Variants in CACNB4 observed in about 807,000 individuals in gnomAD.
CACNB4 encodes voltage-dependent L-type calcium channel subunit beta-4.
Under a neutral mutation model 71.2 loss-of-function variants are expected in CACNB4, and 32 were observed. The observed-to-expected ratio is 0.45, with a 90% CI of 0.34 to 0.60. CACNB4 has a LOEUF of 0.60. Among genes scored for constraint, CACNB4 ranks in the 20% least tolerant of loss-of-function variants. The pLI, the probability that CACNB4 is intolerant of heterozygous loss-of-function variation, is 0.01. For missense variants in CACNB4, 464 were observed against 647.9 expected, an observed-to-expected ratio of 0.72 and a Z score of 3.08; for synonymous variants, 231 against 236.9, an observed-to-expected ratio of 0.97 and a Z score of 0.23.
At chr2:151,937,391 C>T (rs1167382201) in intron 2 of CACNB4, among the ~76,000 whole-genome samples, 2 of 152,098 alleles carry the variant, frequency 1.3e-5, no homozygotes, top group Non-Finnish European at 2.9e-5. Flanking sequence ...TTATATTAAG[C>T]TTTTTTTCAG....
chr2:152,095,509 A>G (rs1057266248), intron 2 of CACNB4, among the ~76,000 whole-genome samples: 18 of 152,076 alleles, frequency 1.2e-4, no homozygotes, highest in African/African-American at 4.1e-4. Context: ...AACTAGCAAT[A>G]TATATATTTT....
chr2:151,952,802 T>C (rs189414937), intron 2 of CACNB4, among the ~76,000 whole-genome samples: 2 of 152,310 alleles, frequency 1.3e-5, no homozygotes, highest in African/African-American at 4.8e-5. Flanking sequence ...TGATTCACGT[T>C]CTGGCACCGT....
chr2:151,862,109 C>T (rs67510656), intron 9 of CACNB4, among the ~76,000 whole-genome samples: 15,337 of 152,148 alleles, frequency 0.1, 867 homozygotes, highest in African/African-American at 0.14. Context: ...TAGCACCCCT[C>T]CCCTTTTATA....
chr2:151,881,708 T>C (rs1054416431), intron 3 of CACNB4, among the ~76,000 whole-genome samples: 4 of 152,158 alleles, frequency 2.6e-5, no homozygotes, highest in Non-Finnish European at 5.9e-5. Flanking sequence ...TGTTACCAGC[T>C]TATGTATTTG....
chr2:151,871,690 G>C (rs1266887810), intron 6 of CACNB4: 1 of 152,490 alleles, frequency 6.6e-6, no homozygotes, highest in African/African-American at 2.4e-5. Flanking sequence ...GTTTTGGTAG[G>C]CCAGAATAGG....
chr2:151,853,781 T>G, intron 11 of CACNB4: 1 of 355,358 alleles, frequency 2.8e-6, no homozygotes. Flanking sequence ...GGAGCCTGAG[T>G]TCCCATCCTA....
chr2:151,885,850 A>T (rs893672221), intron 2 of CACNB4, among the ~76,000 whole-genome samples: 3 of 152,238 alleles, frequency 2.0e-5, no homozygotes, highest in African/African-American at 7.2e-5. Flanking sequence ...TCATTGCCTA[A>T]AAAGAGAGCT....
At chr2:152,017,564 C>T (rs933574282) in intron 2 of CACNB4, among the ~76,000 whole-genome samples, 17 of 151,870 alleles carry the variant, frequency 1.1e-4, no homozygotes, top group South Asian at 2.1e-4. Context: ...AAAAATCAGC[C>T]GGGCATGGTG....
chr2:151,897,838 C>T (rs923139169), intron 2 of CACNB4, among the ~76,000 whole-genome samples: 2 of 152,156 alleles, frequency 1.3e-5, no homozygotes, highest in South Asian at 2.1e-4. Context: ...GAAGATTATG[C>T]ACTCAGAATG....
intron 2 of CACNB4, among the ~76,000 whole-genome samples, chr2:151,947,963 G>C (rs1422888990): frequency 6.6e-6 from 1 of 152,194 alleles, no homozygotes; most frequent in Admixed American, 6.5e-5. Context: ...AGGGCATTCT[G>C]GTGCTCCACT....
intron 2 of CACNB4, among the ~76,000 whole-genome samples, chr2:151,921,058 A>G (rs1364657963): frequency 6.6e-6 from 1 of 151,034 alleles, no homozygotes; most frequent in Non-Finnish European, 1.5e-5. Context: ...AATGGCGTGA[A>G]CCCGGGAGGT....
intron 2 of CACNB4, among the ~76,000 whole-genome samples, chr2:151,946,625 T>G (rs1322611912): frequency 6.6e-6 from 1 of 152,188 alleles, no homozygotes; most frequent in African/African-American, 2.4e-5. Context: ...TACATTCTGA[T>G]GGACAACCAG....
intron 2 of CACNB4, among the ~76,000 whole-genome samples, chr2:152,018,601 G>A (rs1461531395): frequency 6.6e-6 from 1 of 152,072 alleles, no homozygotes; most frequent in Non-Finnish European, 1.5e-5. Context: ...CCAAGAGTTC[G>A]AGACCAGCCC....
intron 2 of CACNB4, among the ~76,000 whole-genome samples, chr2:152,088,852 G>T (rs978861334): frequency 6.6e-6 from 1 of 152,194 alleles, no homozygotes; most frequent in Non-Finnish European, 1.5e-5. Context: ...TACTAGAAAT[G>T]AGAACTATCT....
intron 2 of CACNB4, among the ~76,000 whole-genome samples, chr2:152,059,752 C>A (rs1424593378): frequency 6.6e-6 from 1 of 152,146 alleles, no homozygotes; most frequent in Non-Finnish European, 1.5e-5. Flanking sequence ...AATGTGAGGA[C>A]ATGAAATTTG....
rs1578834642 is a variant in CACNB4, at chr2:151,928,008, A to C, written c.148-44638T>G. Reference sequence around the variant, plus strand: ...AGGCAGGAGTGGGCTGTGAGTAAGCACAAGCTGGAGCTGGGTATGAGGCAG... The same window carrying C: ...AGGCAGGAGTGGGCTGTGAGTAAGCCCAAGCTGGAGCTGGGTATGAGGCAG... On this transcript the variant is annotated intron_variant, in intron 2 of 13. Coordinates refer to ENST00000539935, the MANE Select transcript of CACNB4 (RefSeq NM_000726.5). Among the ~76,000 whole-genome samples the C allele has an allele frequency of 2.6e-5, 4 of 152,324 alleles. 1 individual carries two copies. Among genetic ancestry groups the C allele is most frequent in the Admixed American group, 2.6e-4 (4 of 15,304 alleles).
chr2:152,098,516 G>A lies in CACNB4; in HGVS notation c.64-103C>T. On this transcript the variant is annotated intron_variant, in intron 1 of 13. Coordinates refer to ENST00000539935, the MANE Select transcript of CACNB4 (RefSeq NM_000726.5). This position sits in a 1 kb window ranked among gnomAD's most constrained non-coding sequence, Gnocchi z 5.3. ...GTCCGCCTCCGGACCCGCTCCCTGG[G>A]GTCCCCTAGAGCCCGCACCCAAGTC... 1 of 1,371,004 alleles carries A rather than the reference G, an allele frequency of 7.3e-7. No individual in the cohort carries two copies. The highest frequency in any genetic ancestry group is 1.0e-6 in the Non-Finnish European group (1 of 963,740). 84.9% of individuals were successfully genotyped at this position (1,371,004 alleles called of 1,614,324 possible).
chr2:151,909,309 C>T (rs1290299523), intron 2 of CACNB4, among the ~76,000 whole-genome samples: 1 of 151,116 alleles, frequency 6.6e-6, no homozygotes, highest in African/African-American at 2.4e-5. Context: ...GTGGCGGGCA[C>T]CTGTAATCCC....
chr2:152,019,618 A>C (rs1184756427), intron 2 of CACNB4, among the ~76,000 whole-genome samples: 2 of 152,192 alleles, frequency 1.3e-5, no homozygotes, highest in Non-Finnish European at 2.9e-5. Flanking sequence ...TAAGTGAATA[A>C]AAGTGTTTTC....
Sources: allele counts gnomAD v4.1 joint callset (sites outside exome capture counted in the v4.1 genomes callset), GRCh38; gene constraint gnomAD v4.1.1; non-coding constraint Gnocchi (gnomAD v3.1); transcripts MANE v1.5; gene names NCBI Gene and HGNC (gene_info 2026-07-23, HGNC 2026-07-21).